Variants in ZNF804B observed in about 807,000 individuals in gnomAD.
ZNF804B encodes the protein zinc finger 804B.
ZNF804B carries 80 observed loss-of-function variants against 101.4 expected under a neutral mutation model. The ratio of observed to expected loss-of-function variants is 0.79; its 90% CI spans 0.66 to 0.95. ZNF804B has a LOEUF of 0.95. Among genes scored for constraint, ZNF804B ranks in the 40% least tolerant of loss-of-function variants. The pLI is 0.00. For synonymous variants in ZNF804B, 622 were observed against 558.8 expected, an observed-to-expected ratio of 1.11 and a Z score of -1.59; for missense variants, 1,673 against 1,561.9, an observed-to-expected ratio of 1.07 and a Z score of -1.20.
intron 1 of ZNF804B, among the ~76,000 whole-genome samples, chr7:89,208,388 T>C (rs914157050): frequency 3.9e-5 from 6 of 152,148 alleles, no homozygotes; most frequent in African/African-American, 1.4e-4. Context: ...AGCCCTGTTT[T>C]ATTGGTTGTT....
chr7:88,767,971 T>C (rs1790009273), intron 1 of ZNF804B, among the ~76,000 whole-genome samples: 1 of 152,256 alleles, frequency 6.6e-6, no homozygotes, highest in Non-Finnish European at 1.5e-5. Context: ...GCATCTCTTA[T>C]AGCCTGCCAT....
At chr7:88,782,155 A>G (rs2115662122) in intron 1 of ZNF804B, among the ~76,000 whole-genome samples, 1 of 150,290 alleles carries the variant, frequency 6.7e-6, no homozygotes, top group Non-Finnish European at 1.5e-5. Flanking sequence ...AGGGCAAGAG[A>G]GGAGAGAAAA....
intron 1 of ZNF804B, among the ~76,000 whole-genome samples, chr7:88,893,037 G>A (rs1042114018): frequency 5.3e-5 from 8 of 152,042 alleles, no homozygotes; most frequent in African/African-American, 1.7e-4. Context: ...CTTGTATGGG[G>A]TTTTAATGTG....
At chr7:89,180,523 A>G (rs1218224832) in intron 1 of ZNF804B, among the ~76,000 whole-genome samples, 2 of 152,014 alleles carry the variant, frequency 1.3e-5, no homozygotes, top group Non-Finnish European at 2.9e-5. Flanking sequence ...TTTCAAGGCA[A>G]TGGGCTCCCT....
At chr7:89,228,672 T>TC (rs1789134886) in intron 2 of ZNF804B, among the ~76,000 whole-genome samples, 1 of 152,150 alleles carries the variant, frequency 6.6e-6, no homozygotes, top group Non-Finnish European at 1.5e-5. Context: ...ATTCTTCATG[T>TC]CCCCACCAGA....
chr7:89,231,334 G>A (rs58193868), intron 2 of ZNF804B, among the ~76,000 whole-genome samples: 40 of 152,006 alleles, frequency 2.6e-4, no homozygotes, highest in African/African-American at 8.4e-4. Context: ...CCATTACCAC[G>A]CTATCTTATT....
At chr7:88,857,425 G>C (rs1411493277) in intron 1 of ZNF804B, among the ~76,000 whole-genome samples, 1 of 152,080 alleles carries the variant, frequency 6.6e-6, no homozygotes, top group East Asian at 1.9e-4. Context: ...AAATGATAAA[G>C]GGGATATCAC....
At chr7:89,017,977 T>G (rs1788598046) in intron 1 of ZNF804B, among the ~76,000 whole-genome samples, 1 of 152,286 alleles carries the variant, frequency 6.6e-6, no homozygotes, top group South Asian at 2.1e-4. Context: ...ACAAGCTGAC[T>G]TCTTCCTTTT....
In ZNF804B at chr7:88,812,561, A is replaced by C. The variant is rs115795577; in HGVS notation, c.108+52477A>C. 7.9e-3 allele frequency among the ~76,000 whole-genome samples: 1,206 copies of C among 152,282 alleles called. 11 individuals carry two copies. Among genetic ancestry groups the C allele is most frequent in the African/African-American group, 0.028 (1,159 of 41,574 alleles). ...TAGGGTCTCCAAGAGATATTTGCCC[A>C]CCCATGTTTATACCAGCACTATTCA... On this transcript the variant is annotated intron_variant, in intron 1 of 3. Transcript: ENST00000333190.
At chr7:89,176,816 T>A (rs993492980) in intron 1 of ZNF804B, among the ~76,000 whole-genome samples, 13 of 151,976 alleles carry the variant, frequency 8.6e-5, no homozygotes, top group Admixed American at 8.5e-4. Flanking sequence ...GATCTCATTA[T>A]TTGTTATTCA....
chr7:89,220,141 G>GGGTATATACA, intron 2 of ZNF804B, among the ~76,000 whole-genome samples: 1 of 81,324 alleles, frequency 1.2e-5, no homozygotes, highest in Non-Finnish European at 2.6e-5. Context: ...ACATATATGT[G>GGGTATATACA]TGTATATACA....
intron 1 of ZNF804B, among the ~76,000 whole-genome samples, chr7:89,052,673 C>T (rs1327701511): frequency 6.6e-6 from 1 of 152,120 alleles, no homozygotes; most frequent in Non-Finnish European, 1.5e-5. Context: ...AAGCACAGAA[C>T]TCAAACCTCG....
At chr7:88,801,760 A>G (rs1424058010) in intron 1 of ZNF804B, among the ~76,000 whole-genome samples, 1 of 152,140 alleles carries the variant, frequency 6.6e-6, no homozygotes, top group Admixed American at 6.6e-5. Context: ...TTTTATAGAA[A>G]AAAAGAACTT....
At chr7:89,051,000 A>G (rs1331015438) in intron 1 of ZNF804B, among the ~76,000 whole-genome samples, 1 of 152,044 alleles carries the variant, frequency 6.6e-6, no homozygotes, top group Non-Finnish European at 1.5e-5. Context: ...TTAACATAAA[A>G]TGTATTATGG....
At chr7:89,100,152 A>G (rs1790033648) in intron 1 of ZNF804B, among the ~76,000 whole-genome samples, 1 of 152,220 alleles carries the variant, frequency 6.6e-6, no homozygotes, top group African/African-American at 2.4e-5. Context: ...ACCCAGAAGT[A>G]AATCCATACA....
chr7:89,180,883 C>T (rs1464094531), intron 1 of ZNF804B, among the ~76,000 whole-genome samples: 1 of 147,906 alleles, frequency 6.8e-6, no homozygotes, highest in Non-Finnish European at 1.5e-5. Flanking sequence ...ATTTAGGACA[C>T]CAGAGTGCTT....
chr7:89,275,253 C>G (rs1789961722), intron 2 of ZNF804B, among the ~76,000 whole-genome samples: 1 of 151,956 alleles, frequency 6.6e-6, no homozygotes, highest in Non-Finnish European at 1.5e-5. Context: ...ACATGTTTCT[C>G]TACTTTAAAA....
In ZNF804B at chr7:89,218,383, A is replaced by G. The variant is rs1015787484; in HGVS notation, c.249+88A>G. On this transcript the variant is annotated intron_variant, in intron 2 of 3. Coordinates refer to ENST00000333190, the MANE Select transcript of ZNF804B (RefSeq NM_181646.5). The stretch of plus-strand genomic sequence containing the variant: ...TGAATTTGACCTTATTTACTGCCAT[A>G]TAAGACTGTGAGGTAAGAACATTTT... 6.5e-5 allele frequency: 95 copies of G among 1,454,242 alleles called. No homozygotes were observed. The Admixed American group carries it at 6.7e-4, about 10-fold the overall frequency. The allele number at this position is 1,454,242 out of a possible 1,614,324, so 90.1% of individuals were successfully genotyped here. A position where few individuals can be genotyped will look rare whatever the true frequency, so the allele number is the denominator to read the frequency against.
intron 1 of ZNF804B, among the ~76,000 whole-genome samples, chr7:89,041,408 C>A (rs1789015664): frequency 6.6e-6 from 1 of 152,080 alleles, no homozygotes; most frequent in Non-Finnish European, 1.5e-5. Flanking sequence ...GATGCTGGGA[C>A]AGGTCTTAAG....
Sources: gnomAD v4.1 joint callset for allele counts (sites outside exome capture counted in the v4.1 genomes callset) on GRCh38, gnomAD v4.1.1 for gene constraint, MANE v1.5 for transcripts, NCBI Gene and HGNC (gene_info 2026-07-23, HGNC 2026-07-21) for gene names.